RPN1: variants seen among roughly 807,000 people sequenced by gnomAD.
RPN1 encodes the protein dolichyl-diphosphooligosaccharide--protein glycosyltransferase subunit 1.
Under a neutral mutation model 55.5 loss-of-function variants are expected in RPN1, and 12 were observed. That is an observed-to-expected ratio of 0.22 (90% CI 0.14 to 0.35). The LOEUF (loss-of-function observed/expected upper bound fraction) is 0.35. RPN1 is among the 10% of genes least tolerant of loss of function. The pLI, the probability that RPN1 is intolerant of heterozygous loss-of-function variation, is 1.00. For synonymous variants in RPN1, 317 were observed against 305.9 expected (o/e 1.04, Z -0.38); for missense variants, 679 against 761.3 (o/e 0.89, Z 1.27).
intron 2 of RPN1, among the ~76,000 whole-genome samples, chr3:128,643,933 AAATAAT>A (rs1035174467): frequency 2.0e-5 from 3 of 152,008 alleles, no homozygotes; most frequent in Non-Finnish European, 4.4e-5. Context: ...TGTCTCCAAA[AAATAAT>A]AATAATAATA....
At chr3:128,624,013 A>G (rs538043336) in intron 8 of RPN1, among the ~76,000 whole-genome samples, 46 of 151,126 alleles carry the variant, frequency 3.0e-4, no homozygotes, top group African/African-American at 6.8e-4. Context: ...ACGCACACAC[A>G]CACACACACA....
intron 3 of RPN1, among the ~76,000 whole-genome samples, chr3:128,636,057 C>T (rs139232335): frequency 2.6e-5 from 4 of 151,886 alleles, no homozygotes; most frequent in East Asian, 1.9e-4. Context: ...ATTTTGACTA[C>T]GAAATCATGT....
At chr3:128,629,883 T>C (rs1297364638) in intron 5 of RPN1, 68 bp downstream of exon 5, 12 of 856,180 alleles carry the variant, frequency 1.4e-5, no homozygotes, top group Non-Finnish European at 1.8e-5. Flanking sequence ...TAAAGACTGA[T>C]AATTGAAAGA....
intron 2 of RPN1, among the ~76,000 whole-genome samples, chr3:128,640,294 T>A (rs1373723116): frequency 6.6e-6 from 1 of 152,180 alleles, no homozygotes; most frequent in Admixed American, 6.5e-5. Flanking sequence ...AAACCACTAG[T>A]GAAAAATTGA....
At chr3:128,640,841 A>C (rs1441713516) in intron 2 of RPN1, among the ~76,000 whole-genome samples, 1 of 151,850 alleles carries the variant, frequency 6.6e-6, no homozygotes, top group East Asian at 1.9e-4. Context: ...TTAATCTCCT[A>C]ATCTCCCTTC....
chr3:128,633,194 G>A (rs1217541974), intron 3 of RPN1, among the ~76,000 whole-genome samples: 3 of 151,622 alleles, frequency 2.0e-5, no homozygotes, highest in Non-Finnish European at 4.4e-5. Context: ...AAAACTACTT[G>A]GCAAAATACA....
intron 1 of RPN1, among the ~76,000 whole-genome samples, chr3:128,645,770 T>C (rs1233062606): frequency 1.3e-5 from 2 of 151,996 alleles, no homozygotes; most frequent in Admixed American, 1.3e-4. Flanking sequence ...TGAGCCGAGA[T>C]TGCACCACCA....
intron 3 of RPN1, among the ~76,000 whole-genome samples, chr3:128,632,884 C>T (rs1274289230): frequency 2.0e-5 from 3 of 152,028 alleles, no homozygotes; most frequent in Admixed American, 6.6e-5. Context: ...CATGAGCCAC[C>T]GTGCCCAGCA....
chr3:128,645,467 T>C (rs529728070), intron 1 of RPN1, among the ~76,000 whole-genome samples: 1 of 148,448 alleles, frequency 6.7e-6, no homozygotes, highest in Admixed American at 6.8e-5. Context: ...CAAAATTCCA[T>C]CTAAAAAAAA....
chr3:128,650,726 G>C lies in RPN1; in HGVS notation c.75C>G (p.Ser25=), dbSNP rs1255836537. 1.3e-6 allele frequency: 2 copies of C among 1,560,164 alleles called. No individual in the cohort carries two copies. Among genetic ancestry groups the C allele is most frequent in the African/African-American group, 2.7e-5 (2 of 73,654 alleles). Residue 25 remains serine, a synonymous_variant, in exon 1 of 10, where the codon TCC becomes TCG. Transcript: ENST00000296255. ...CATTGATCAGCGGCGGTGCCTCGGA[G>C]GAGGCGCTGCCCGGCGCCGGGGCCC... is the stretch of plus-strand genomic sequence containing the variant. ...GTWAPAPGSA[S]SEAPPLINED...
chr3:128,646,222 CAAAAAAAAA>C (rs397803037), intron 1 of RPN1, among the ~76,000 whole-genome samples: 1 of 67,704 alleles, frequency 1.5e-5, no homozygotes, highest in Non-Finnish European at 2.8e-5. Context: ...GACTCCGTCT[CAAAAAAAAA>C]AAAAAAAAAA....
At chr3:128,622,896 C>CAAA (rs781683983) in intron 8 of RPN1, among the ~76,000 whole-genome samples, 1 of 98,056 alleles carries the variant, frequency 1.0e-5, no homozygotes. Flanking sequence ...AACTCCATCT[C>CAAA]AAAAAAAAAA....
At position 128,629,737 on chromosome 3, in the gene RPN1, A is replaced by C. The variant is rs559821122; in HGVS notation, c.1036+214T>G. On this transcript the variant is annotated intron_variant, in intron 5 of 9. Transcript: ENST00000296255. The stretch of plus-strand genomic sequence containing the variant: ...GATGACAGAACTGCAAGTAAGAAGA[A>C]GACTTTTACATACTGTTCGGATTGA... 8.5e-5 allele frequency among the ~76,000 whole-genome samples: 13 copies of C among 152,302 alleles called. No individual in the cohort carries two copies. The South Asian group carries it at 1.5e-3, about 17-fold the overall frequency.
Position 128,626,015 on chromosome 3 carries a change from G to A in RPN1, c.1137-3C>T. On this transcript the variant is annotated splice_polypyrimidine_tract_variant and splice_region_variant and intron_variant, in intron 6 of 9. Transcript: ENST00000296255. ...AGGGACTATCAATTTCAATGTTCCT[G>A]GAAGAAGATGGGAATAAAATATAGC... The A allele has an allele frequency of 5.0e-6, 8 of 1,593,316 alleles. No individual in the cohort carries two copies. The highest frequency in any genetic ancestry group is 6.8e-6 in the Non-Finnish European group (8 of 1,171,628).
chr3:128,632,533 A>G (rs542541442), intron 3 of RPN1, among the ~76,000 whole-genome samples: 1 of 152,270 alleles, frequency 6.6e-6, no homozygotes, highest in Non-Finnish European at 1.5e-5. Flanking sequence ...GCAGTTTCCA[A>G]TATCTTGTTC....
Position 128,644,944 on chromosome 3 carries a change from G to C in RPN1, c.301C>G (p.Arg101Gly). The change falls in exon 2 of 10, where the codon CGT becomes GGT. Residue 101 changes from arginine to glycine, a missense_variant. Coordinates refer to ENST00000296255, the MANE Select transcript of RPN1 (RefSeq NM_002950.4). ...EDEEENNLEV[R>G]ETKIKGKSGR... The stretch of plus-strand genomic sequence containing the variant: ...CTTTTACCCTTAATTTTGGTTTCAC[G>C]TACTTCCAAATTGTTCTCTTCCTCA... 6.4e-7 allele frequency: 1 copy of C among 1,574,200 alleles called. No individual in the cohort carries two copies. Among genetic ancestry groups the C allele is most frequent in the South Asian group, 1.1e-5 (1 of 90,194 alleles).
At chr3:128,650,331 C>A (rs769135831) in intron 1 of RPN1, among the ~76,000 whole-genome samples, 1 of 152,158 alleles carries the variant, frequency 6.6e-6, no homozygotes, top group African/African-American at 2.4e-5. Flanking sequence ...GGCGGGCGCG[C>A]ACCGGGGGCA....
At position 128,650,789 on chromosome 3, in the gene RPN1, T is replaced by C. The variant is rs541051957; in HGVS notation, c.12A>G (p.Pro4=). The part of the protein sequence containing the change: MEA[P]AAGLFLLLLL... ...ACAGGAGCAGAAACAAGCCGGCGGC[T>C]GGCGCCTCCATGACCGGGAAGAGCA... Residue 4 remains proline (P), a synonymous_variant, in exon 1 of 10, where the codon CCA becomes CCG. Transcript: ENST00000296255. The C allele has an allele frequency of 2.2e-5, 34 of 1,534,294 alleles. 1 individual carries two copies. In the South Asian group the frequency reaches 4.1e-4, roughly 18 times the overall value.
chr3:128,625,644 T>C lies in RPN1; in HGVS notation c.1285A>G (p.Thr429Ala), dbSNP rs1177720373. The stretch of plus-strand genomic sequence containing the variant: ...TGCAGCATGAGCACCTTGTTGAACG[T>C]GTAGTGGACCTGGGAGAAGCAAGAG... ...QHIQDIVVHYTFNKVLMLQEP... is the reference protein window; with the variant it reads ...QHIQDIVVHYAFNKVLMLQEP... The change falls in exon 8 of 10, where the codon ACG becomes GCG. Residue 429 changes from threonine to alanine, a missense_variant. Thr to Ala is a moderately conservative substitution (Grantham distance 58, BLOSUM62 0). Coordinates refer to ENST00000296255, the MANE Select transcript of RPN1 (RefSeq NM_002950.4). 2 of 1,613,970 alleles carry C rather than the reference T, an allele frequency of 1.2e-6. No homozygotes were observed. The highest frequency in any genetic ancestry group is 1.1e-5 in the South Asian group (1 of 91,072).
Sources: gnomAD v4.1 joint callset for allele counts (sites outside exome capture counted in the v4.1 genomes callset) on GRCh38, gnomAD v4.1.1 for gene constraint, MANE v1.5 for transcripts, NCBI Gene and HGNC (gene_info 2026-07-23, HGNC 2026-07-21) for gene names.